LMBRD2: variants seen among roughly 807,000 people sequenced by gnomAD.
LMBRD2 encodes G protein-coupled receptor-associated protein LMBRD2.
LMBRD2 carries 55 observed loss-of-function variants against 94.4 expected under a neutral mutation model. That is an observed-to-expected ratio of 0.58 (90% confidence interval 0.47 to 0.73). LMBRD2 has a LOEUF of 0.73. Ranked by LOEUF, LMBRD2 falls within the 30% of genes least tolerant of loss-of-function variation. The pLI, the probability that LMBRD2 is intolerant of heterozygous loss-of-function variation, is 0.00. For missense variants in LMBRD2, 640 were observed against 831.9 expected (o/e 0.77, Z 2.84); for synonymous variants, 246 against 272.4 (o/e 0.90, Z 0.95).
chr5:36,111,021 T>TA, intron 14 of LMBRD2, 134 bp downstream of exon 14: 1 of 602,728 alleles, frequency 1.7e-6, no homozygotes, highest in Non-Finnish European at 2.9e-6. Flanking sequence ...CATTTTTAGC[T>TA]AAAAATGTGC....
chr5:36,122,119 A>G (rs1743899777), intron 9 of LMBRD2, among the ~76,000 whole-genome samples, 161 bp downstream of exon 9: 1 of 152,230 alleles, frequency 6.6e-6, no homozygotes, highest in Non-Finnish European at 1.5e-5. Context: ...TATGATAAGT[A>G]AAACAGTTAT....
At chr5:36,131,189 A>G (rs1356218903) in intron 6 of LMBRD2, among the ~76,000 whole-genome samples, 1 of 152,140 alleles carries the variant, frequency 6.6e-6, no homozygotes, top group Non-Finnish European at 1.5e-5. Context: ...ACATATGCAA[A>G]TCAATCAATG....
intron 13 of LMBRD2, among the ~76,000 whole-genome samples, chr5:36,113,993 T>C (rs1382116575): frequency 6.6e-6 from 1 of 152,194 alleles, no homozygotes; most frequent in Non-Finnish European, 1.5e-5. Flanking sequence ...CCTGACCCTT[T>C]GTGCTGGCCA....
intron 13 of LMBRD2, among the ~76,000 whole-genome samples, chr5:36,112,473 A>AATGAAAATGAACTT (rs1263892125): frequency 1.3e-5 from 2 of 152,310 alleles, no homozygotes; most frequent in East Asian, 3.9e-4. Context: ...CAGCATTTCA[A>AATGAAAATGAACTT]ATGAAAATGA....
At chr5:36,141,293 T>A in intron 3 of LMBRD2, 91 bp from the exon 4 acceptor site, 1 of 680,764 alleles carries the variant, frequency 1.5e-6, no homozygotes. Flanking sequence ...TTAATTTACA[T>A]TCAGATTTTA....
At chr5:36,144,266 C>G (rs1421599398) in intron 1 of LMBRD2, among the ~76,000 whole-genome samples, 1 of 152,118 alleles carries the variant, frequency 6.6e-6, no homozygotes, top group Non-Finnish European at 1.5e-5. Context: ...ATTTACTAAT[C>G]AAAGGCAATA....
chr5:36,136,768 A>C (rs1744281534), intron 5 of LMBRD2, among the ~76,000 whole-genome samples: 1 of 152,192 alleles, frequency 6.6e-6, no homozygotes, highest in African/African-American at 2.4e-5. Flanking sequence ...GACCTAGCAA[A>C]TCTCAGGAAT....
rs1278030215 is a variant in LMBRD2, at chr5:36,107,628, C to T, written c.1897+906G>A. ...TTCACATTTCTCTAGTAATGAAATC[C>T]TATGACCTTGTACTTAGTAGGGCCT... On this transcript the variant is annotated intron_variant, in intron 16 of 17. Transcript: ENST00000296603. Among the ~76,000 whole-genome samples, 5 of 152,172 alleles carry T rather than the reference C, an allele frequency of 3.3e-5. No individual in the cohort carries two copies. In the East Asian group the frequency reaches 9.6e-4, roughly 29 times the overall value.
At chr5:36,137,508 C>T in intron 4 of LMBRD2, 67 bp from the exon 5 acceptor site, 2 of 1,046,870 alleles carry the variant, frequency 1.9e-6, no homozygotes, top group Admixed American at 2.5e-5. Context: ...TCTCAAAGTG[C>T]CAGAAATATA....
Position 36,143,225 on chromosome 5 carries a change from C to A in LMBRD2, c.125G>T (p.Trp42Leu), listed in dbSNP as rs1372902528. The change falls in exon 2 of 18, where the codon TGG becomes TTG. Residue 42 changes from tryptophan (W) to leucine (L), a missense_variant. Around this residue, in one of 2 missense-constraint regions of LMBRD2, gnomAD observed 457 missense variants for 642.8 expected, o/e 0.71. Coordinates refer to ENST00000296603, the MANE Select transcript of LMBRD2 (RefSeq NM_001007527.2). ...GAAGACAATAAGAAAGCAGAGATAC[C>A]AAGCAAGCAGTGTTCCAATAATCAC... ...RLVIIGTLLA[W>L]YLCFLIVFIL... 1 of 1,612,634 alleles carries A rather than the reference C, an allele frequency of 6.2e-7. No individual in the cohort carries two copies. The highest frequency in any genetic ancestry group is 8.5e-7 in the Non-Finnish European group (1 of 1,179,016).
chr5:36,106,361 G>C (rs973829418), intron 16 of LMBRD2, among the ~76,000 whole-genome samples: 1 of 151,966 alleles, frequency 6.6e-6, no homozygotes, highest in African/African-American at 2.4e-5. Flanking sequence ...TTACCAAACA[G>C]TCTCTGAAAT....
chr5:36,118,728 G>A (rs1743818019), intron 9 of LMBRD2, among the ~76,000 whole-genome samples: 1 of 150,510 alleles, frequency 6.6e-6, no homozygotes, highest in African/African-American at 2.4e-5. Flanking sequence ...TCGGCTCACT[G>A]CAACCTCTGC....
At chr5:36,136,228 C>A (rs1405971434) in intron 6 of LMBRD2, 81 bp downstream of exon 6, 2 of 1,259,060 alleles carry the variant, frequency 1.6e-6, no homozygotes, top group Non-Finnish European at 1.2e-6. Context: ...AATGCACTAA[C>A]AACAACAACA....
At chr5:36,104,768 T>C (rs190487223) in intron 17 of LMBRD2, among the ~76,000 whole-genome samples, 1 of 152,134 alleles carries the variant, frequency 6.6e-6, no homozygotes, top group Non-Finnish European at 1.5e-5. Flanking sequence ...GGCATATAAA[T>C]ATTGTTGTGA....
chr5:36,103,728 GA>G lies in LMBRD2; in HGVS notation c.*317del, dbSNP rs902843804. 3 of 165,748 alleles carry G rather than the reference GA, an allele frequency of 1.8e-5. No individual in the cohort carries two copies. The highest frequency in any genetic ancestry group is 2.6e-5 in the Non-Finnish European group (2 of 76,514). The allele number at this position is 165,748 out of a possible 1,614,324, so 10.3% of individuals were successfully genotyped here. A position where few individuals can be genotyped will look rare whatever the true frequency, so the allele number is the denominator to read the frequency against. On this transcript the variant is annotated 3_prime_UTR_variant, in exon 18 of 18. Transcript: ENST00000296603. ...CTTGAATCTTTAAAATAACTCTCTT[GA>G]AAAAAAATTAATCTGAAACAAACTG... is the stretch of plus-strand genomic sequence containing the variant.
At chr5:36,125,228 T>A (rs1192550059) in intron 6 of LMBRD2, among the ~76,000 whole-genome samples, 1 of 152,154 alleles carries the variant, frequency 6.6e-6, no homozygotes, top group Non-Finnish European at 1.5e-5. Context: ...TTTTAAGAAG[T>A]TGAAACCACT....
At chr5:36,115,904 A>C (rs1459145751) in intron 11 of LMBRD2, among the ~76,000 whole-genome samples, 1 of 152,198 alleles carries the variant, frequency 6.6e-6, no homozygotes, top group Admixed American at 6.5e-5. Context: ...ATTATTTGGA[A>C]AACAACAAAA....
At chr5:36,149,733 C>A (rs1213992266) in intron 1 of LMBRD2, among the ~76,000 whole-genome samples, 3 of 152,158 alleles carry the variant, frequency 2.0e-5, no homozygotes, top group African/African-American at 4.8e-5. Context: ...ATGCAGAAAC[C>A]CCGTCTCCAC....
At chr5:36,121,825 C>T (rs1436173425) in intron 9 of LMBRD2, among the ~76,000 whole-genome samples, 1 of 152,150 alleles carries the variant, frequency 6.6e-6, no homozygotes, top group African/African-American at 2.4e-5. Flanking sequence ...ACTGCCTACA[C>T]TATTCAGTAC....
Sources: allele counts gnomAD v4.1 joint callset (sites outside exome capture counted in the v4.1 genomes callset), GRCh38; gene constraint gnomAD v4.1.1; regional missense constraint gnomAD v4.1.1; transcripts MANE v1.5; gene names NCBI Gene and HGNC (gene_info 2026-07-23, HGNC 2026-07-21).